The following NLGN1 variants were observed in gnomAD, a reference collection of about 807,000 sequenced individuals.
NLGN1 encodes neuroligin-1.
NLGN1 carries 12 observed loss-of-function variants against 65.5 expected under a neutral mutation model. The ratio of observed to expected loss-of-function variants is 0.18; its 90% confidence interval spans 0.12 to 0.30. The LOEUF is 0.30. NLGN1 is among the 10% of genes least tolerant of loss of function. NLGN1 has a pLI of 1.00. For missense variants in NLGN1, 750 were observed against 1,007.1 expected (o/e 0.74, Z 3.46); for synonymous variants, 350 against 359.5 (o/e 0.97, Z 0.30).
chr3:173,489,046 T>C (rs1044057478), intron 2 of NLGN1, among the ~76,000 whole-genome samples: 1 of 151,934 alleles, frequency 6.6e-6, no homozygotes, highest in East Asian at 1.9e-4. Flanking sequence ...TGTTCACTCC[T>C]TTCTCAGCCT....
intron 4 of NLGN1, among the ~76,000 whole-genome samples, chr3:173,860,769 A>G (rs1032795672): frequency 5.9e-5 from 9 of 152,166 alleles, no homozygotes; most frequent in African/African-American, 2.2e-4. Context: ...TCATAACCTT[A>G]TTCTTAAAGA....
intron 4 of NLGN1, among the ~76,000 whole-genome samples, chr3:174,191,983 T>G (rs545838224): frequency 6.6e-6 from 1 of 152,192 alleles, no homozygotes; most frequent in Non-Finnish European, 1.5e-5. Context: ...TAAAACTTCT[T>G]GTTTGACAGA....
chr3:173,717,010 C>T (rs1366932607), intron 3 of NLGN1, among the ~76,000 whole-genome samples: 3 of 152,166 alleles, frequency 2.0e-5, no homozygotes, highest in Admixed American at 2.0e-4. Context: ...CTCCAGCAGT[C>T]ATTACAAGTT....
intron 2 of NLGN1, among the ~76,000 whole-genome samples, chr3:173,593,813 C>A (rs1463736763): frequency 6.6e-6 from 1 of 152,170 alleles, no homozygotes; most frequent in East Asian, 1.9e-4. Context: ...CTAGGAAGGC[C>A]TCAGAATCAT....
chr3:173,605,969 T>C (rs995776569), intron 3 of NLGN1, among the ~76,000 whole-genome samples: 7 of 152,102 alleles, frequency 4.6e-5, no homozygotes, highest in Non-Finnish European at 7.4e-5. Context: ...TATATTTGTG[T>C]TCCTCTTAGA....
chr3:173,517,022 A>G (rs1206566429), intron 2 of NLGN1, among the ~76,000 whole-genome samples: 3 of 151,242 alleles, frequency 2.0e-5, no homozygotes, highest in Admixed American at 1.3e-4. Flanking sequence ...ATCTTTAAGT[A>G]TTAGATCTGC....
intron 3 of NLGN1, among the ~76,000 whole-genome samples, chr3:173,767,621 G>A (rs1198662315): frequency 6.6e-6 from 1 of 151,994 alleles, no homozygotes; most frequent in Non-Finnish European, 1.5e-5. Context: ...AAATTGTCCA[G>A]CCAATTCATT....
chr3:174,252,209 G>A (rs1337737670), intron 4 of NLGN1, among the ~76,000 whole-genome samples: 1 of 151,904 alleles, frequency 6.6e-6, no homozygotes, highest in Non-Finnish European at 1.5e-5. Context: ...ATTTTTGCCT[G>A]GAAAAATACC....
At chr3:173,848,897 T>C (rs1290208764) in intron 4 of NLGN1, among the ~76,000 whole-genome samples, 1 of 152,184 alleles carries the variant, frequency 6.6e-6, no homozygotes, top group Non-Finnish European at 1.5e-5. Flanking sequence ...TTACCTGCGA[T>C]AGATTTCTTT....
chr3:173,571,864 G>A (rs1410792301), intron 2 of NLGN1, among the ~76,000 whole-genome samples: 4 of 152,124 alleles, frequency 2.6e-5, no homozygotes, highest in Non-Finnish European at 5.9e-5. Context: ...ACTTAGGTAT[G>A]TGTTAGGTTA....
intron 3 of NLGN1, among the ~76,000 whole-genome samples, chr3:173,672,784 A>G (rs1027273716): frequency 6.6e-6 from 1 of 152,208 alleles, no homozygotes; most frequent in Non-Finnish European, 1.5e-5. Flanking sequence ...AGTACCTATA[A>G]CAATGTAACT....
At chr3:174,105,873 T>C (rs982289085) in intron 4 of NLGN1, among the ~76,000 whole-genome samples, 1 of 152,100 alleles carries the variant, frequency 6.6e-6, no homozygotes, top group African/African-American at 2.4e-5. Context: ...TGTGAATGGC[T>C]ACACTATCCC....
At chr3:174,083,986 C>A (rs1327047315) in intron 4 of NLGN1, among the ~76,000 whole-genome samples, 18 of 152,164 alleles carry the variant, frequency 1.2e-4, no homozygotes. Flanking sequence ...TGGAAAATAT[C>A]ATTTTGTATT....
At chr3:174,029,462 T>C (rs781161353) in intron 4 of NLGN1, among the ~76,000 whole-genome samples, 56 of 152,216 alleles carry the variant, frequency 3.7e-4, no homozygotes, top group Non-Finnish European at 1.0e-4. Flanking sequence ...CCAATGCCTG[T>C]ACCCCCATTG....
intron 4 of NLGN1, among the ~76,000 whole-genome samples, chr3:174,193,383 G>A (rs1405621573): frequency 6.6e-6 from 1 of 152,056 alleles, no homozygotes; most frequent in Admixed American, 6.6e-5. Flanking sequence ...GTTGGGAGAG[G>A]GATTATTGGT....
intron 2 of NLGN1, among the ~76,000 whole-genome samples, chr3:173,473,399 T>A (rs1725627618): frequency 6.6e-6 from 1 of 152,176 alleles, no homozygotes; most frequent in South Asian, 2.1e-4. Context: ...AAAGTAGAGA[T>A]TAATCCCCCA....
At chr3:174,142,766 A>G (rs1383825392) in intron 4 of NLGN1, among the ~76,000 whole-genome samples, 1 of 152,232 alleles carries the variant, frequency 6.6e-6, no homozygotes, top group African/African-American at 2.4e-5. Flanking sequence ...GCACAACACT[A>G]AATTATTGGT....
chr3:173,608,236 C>T (rs1025223579), intron 3 of NLGN1, among the ~76,000 whole-genome samples: 8 of 151,838 alleles, frequency 5.3e-5, no homozygotes, highest in Non-Finnish European at 8.8e-5. Flanking sequence ...CATTTTAAAA[C>T]GGGTCCCAGT....
At chr3:173,878,485 A>C (rs1732574762) in intron 4 of NLGN1, among the ~76,000 whole-genome samples, 1 of 152,080 alleles carries the variant, frequency 6.6e-6, no homozygotes, top group Admixed American at 6.6e-5. Context: ...ACTTCGTATA[A>C]TCAAGTATCT....
Sources: allele counts gnomAD v4.1 joint callset (sites outside exome capture counted in the v4.1 genomes callset), GRCh38; gene constraint gnomAD v4.1.1; transcripts MANE v1.5; gene names NCBI Gene and HGNC (gene_info 2026-07-23, HGNC 2026-07-21).